Variants in CAMK1D observed in about 807,000 individuals in gnomAD.
The protein encoded by CAMK1D is calcium/calmodulin dependent protein kinase ID.
In CAMK1D, 9 loss-of-function variants were observed where a neutral mutation model predicts 47.7. The ratio of observed to expected loss-of-function variants is 0.19; its 90% CI spans 0.11 to 0.33. The LOEUF is 0.33. Among genes scored for constraint, CAMK1D ranks in the 10% least tolerant of loss-of-function variants. CAMK1D has a pLI of 1.00. For missense variants in CAMK1D, 291 were observed against 488.7 expected, an observed-to-expected ratio of 0.60 and a Z score of 3.81; for synonymous variants, 184 against 184.9, an observed-to-expected ratio of 0.99 and a Z score of 0.04.
chr10:12,540,099 C>T (rs2815639), intron 1 of CAMK1D, among the ~76,000 whole-genome samples: 61,162 of 138,276 alleles, frequency 0.44, 13,397 homozygotes, highest in East Asian at 0.76. Context: ...TTTTTCTTTT[C>T]TTTTTTTTTT....
At chr10:12,725,189 A>G (rs541590933) in intron 3 of CAMK1D, 1 of 154,204 alleles carries the variant, frequency 6.5e-6, no homozygotes, top group East Asian at 1.9e-4. Context: ...GGAGCCAGTA[A>G]GAAAATAACA....
intron 2 of CAMK1D, among the ~76,000 whole-genome samples, chr10:12,635,571 T>TCTTGCTGGGGGGG (rs1201560271): frequency 6.6e-6 from 1 of 152,124 alleles, no homozygotes; most frequent in Non-Finnish European, 1.5e-5. Flanking sequence ...ACCCACGCCA[T>TCTTGCTGGGGGGG]CTTGCTGGGG....
At chr10:12,525,360 G>T (rs1472939269) in intron 1 of CAMK1D, among the ~76,000 whole-genome samples, 1 of 151,910 alleles carries the variant, frequency 6.6e-6, no homozygotes, top group East Asian at 1.9e-4. Context: ...TTGTTTGACT[G>T]CAGTGACATG....
intron 1 of CAMK1D, among the ~76,000 whole-genome samples, chr10:12,374,258 C>CAAAAAAA (rs56312810): frequency 1.7e-3 from 152 of 91,494 alleles, no homozygotes; most frequent in East Asian, 2.7e-3. Flanking sequence ...GACTCTGTCT[C>CAAAAAAA]AAAAAAAAAA....
At chr10:12,669,243 A>ACAAAG (rs58275333) in intron 3 of CAMK1D, among the ~76,000 whole-genome samples, 1 of 34,442 alleles carries the variant, frequency 2.9e-5, no homozygotes, top group African/African-American at 1.1e-4. Flanking sequence ...AAACAAACAA[A>ACAAAG]AAAACCCCAC....
intron 3 of CAMK1D, among the ~76,000 whole-genome samples, chr10:12,722,446 CAAAAAA>C (rs55809900): frequency 1.1e-3 from 54 of 48,618 alleles, no homozygotes; most frequent in Middle Eastern, 0.029. Flanking sequence ...GACTCCGCCT[CAAAAAA>C]AAAAAAAAAA....
chr10:12,761,201 C>T (rs1836493189), intron 4 of CAMK1D, 115 bp downstream of exon 4: 1 of 1,242,230 alleles, frequency 8.1e-7, no homozygotes, highest in Non-Finnish European at 1.1e-6. Flanking sequence ...GTGGGTGCAG[C>T]AGATGGTGGG....
rs1834349662 is a variant in CAMK1D at position 12,721,091 on chromosome 10, G to A, written c.300-39857G>A. 3.3e-5 allele frequency among the ~76,000 whole-genome samples: 5 copies of A among 152,288 alleles called. No individual in the cohort carries two copies. The South Asian group carries it at 1.0e-3, about 32-fold the overall frequency. ...TCACAAACTGGCTAAACTGTGCCAC[G>A]TGATTAGCAAACATGCGCATGCCCA... On this transcript the variant is annotated intron_variant, in intron 3 of 10. Coordinates refer to ENST00000619168, the MANE Select transcript of CAMK1D (RefSeq NM_153498.4).
At chr10:12,352,264 T>C (rs1054976865) in intron 1 of CAMK1D, among the ~76,000 whole-genome samples, 1 of 152,208 alleles carries the variant, frequency 6.6e-6, no homozygotes, top group Non-Finnish European at 1.5e-5. Context: ...GCTTAGTCAA[T>C]AATTTGACTT....
intron 6 of CAMK1D, among the ~76,000 whole-genome samples, 171 bp downstream of exon 6, chr10:12,791,404 A>G (rs908012428): frequency 1.3e-5 from 2 of 152,184 alleles, no homozygotes; most frequent in Non-Finnish European, 2.9e-5. Flanking sequence ...GTGTTGCACA[A>G]CCACCATTAC....
At chr10:12,446,731 C>G (rs747051580) in intron 1 of CAMK1D, among the ~76,000 whole-genome samples, 2 of 152,178 alleles carry the variant, frequency 1.3e-5, no homozygotes, top group Non-Finnish European at 2.9e-5. Context: ...CAGTTGGAGA[C>G]TTTACAGCAA....
intron 5 of CAMK1D, among the ~76,000 whole-genome samples, chr10:12,774,396 G>A (rs1837181488): frequency 6.6e-6 from 1 of 152,088 alleles, no homozygotes; most frequent in Non-Finnish European, 1.5e-5. Flanking sequence ...CCAGTGCAGA[G>A]GCCTGAAGGC....
At chr10:12,544,290 A>G (rs1836289450) in intron 1 of CAMK1D, among the ~76,000 whole-genome samples, 1 of 152,210 alleles carries the variant, frequency 6.6e-6, no homozygotes, top group Non-Finnish European at 1.5e-5. Flanking sequence ...TATCATTCAA[A>G]TAAATGTCTT....
chr10:12,505,399 T>C (rs1834839039), intron 1 of CAMK1D, among the ~76,000 whole-genome samples: 1 of 152,192 alleles, frequency 6.6e-6, no homozygotes, highest in African/African-American at 2.4e-5. Context: ...AGGCCTGCAC[T>C]ATAATTTTAA....
intron 1 of CAMK1D, among the ~76,000 whole-genome samples, chr10:12,423,454 G>A (rs954771764): frequency 7.2e-5 from 11 of 151,880 alleles, no homozygotes; most frequent in Non-Finnish European, 2.9e-5. Context: ...GGTTGAAGCT[G>A]CAGTGAGCTA....
chr10:12,808,607 A>G (rs1159549841), intron 6 of CAMK1D, among the ~76,000 whole-genome samples: 1 of 151,968 alleles, frequency 6.6e-6, no homozygotes, highest in Non-Finnish European at 1.5e-5. Flanking sequence ...GTGAAACCTC[A>G]TCTTTACTAA....
intron 3 of CAMK1D, among the ~76,000 whole-genome samples, chr10:12,726,289 T>G (rs1297238966): frequency 6.6e-6 from 1 of 151,892 alleles, no homozygotes; most frequent in African/African-American, 2.4e-5. Flanking sequence ...CTGGGCATAG[T>G]GGCACGCACC....
chr10:12,369,689 C>A (rs1430195932), intron 1 of CAMK1D, among the ~76,000 whole-genome samples: 1 of 151,980 alleles, frequency 6.6e-6, no homozygotes, highest in Non-Finnish European at 1.5e-5. Context: ...CCAGGCGTGG[C>A]GGCTCACGCC....
chr10:12,670,783 AG>A (rs1198186865), intron 3 of CAMK1D, among the ~76,000 whole-genome samples: 1 of 152,176 alleles, frequency 6.6e-6, no homozygotes, highest in East Asian at 1.9e-4. Context: ...TCCTGACCTC[AG>A]GTGATCCACC....
Sources: allele counts gnomAD v4.1 joint callset (sites outside exome capture counted in the v4.1 genomes callset), GRCh38; gene constraint gnomAD v4.1.1; transcripts MANE v1.5; gene names NCBI Gene and HGNC (gene_info 2026-07-23, HGNC 2026-07-21).